TMEM132D: variants seen among roughly 807,000 people sequenced by gnomAD.
TMEM132D encodes transmembrane protein 132D, also known as mature OL transmembrane protein.
TMEM132D carries 21 observed loss-of-function variants against 62.3 expected under a neutral mutation model. The observed-to-expected ratio is 0.34, with a 90% confidence interval of 0.24 to 0.49. The LOEUF is 0.49. Among genes scored for constraint, TMEM132D ranks in the 20% least tolerant of loss-of-function variants. The pLI is 0.99. For missense variants in TMEM132D, 1,346 were observed against 1,402.8 expected (o/e 0.96, Z 0.65); for synonymous variants, 621 against 575.6 (o/e 1.08, Z -1.13).
At chr12:129,244,476 A>G (rs892600504) in intron 4 of TMEM132D, among the ~76,000 whole-genome samples, 1 of 141,084 alleles carries the variant, frequency 7.1e-6, no homozygotes, top group Non-Finnish European at 1.6e-5. Context: ...CCTACGGTGC[A>G]TAGACAATGC....
chr12:129,291,629 A>G (rs557014889), intron 4 of TMEM132D, among the ~76,000 whole-genome samples: 1 of 152,330 alleles, frequency 6.6e-6, no homozygotes, highest in East Asian at 1.9e-4. Context: ...TTAGAATCCA[A>G]GCTCTCTGCA....
intron 5 of TMEM132D, among the ~76,000 whole-genome samples, chr12:129,194,815 T>C (rs1445272958): frequency 6.6e-6 from 1 of 152,174 alleles, no homozygotes; most frequent in African/African-American, 2.4e-5. Context: ...GTTGTTTCTA[T>C]GTTTTTTTCT....
At chr12:129,273,435 CAAAAAA>C (rs36073067) in intron 4 of TMEM132D, among the ~76,000 whole-genome samples, 4 of 113,760 alleles carry the variant, frequency 3.5e-5, no homozygotes, top group Non-Finnish European at 1.8e-5. Context: ...ATCAGCCTGT[CAAAAAA>C]AAAAAAAAAA....
intron 5 of TMEM132D, among the ~76,000 whole-genome samples, chr12:129,127,273 G>A (rs1314962973): frequency 6.6e-6 from 1 of 152,106 alleles, no homozygotes; most frequent in Non-Finnish European, 1.5e-5. Context: ...AAAGACTAAC[G>A]CACATTGTGG....
intron 5 of TMEM132D, among the ~76,000 whole-genome samples, chr12:129,102,084 G>A (rs1232908353): frequency 6.6e-6 from 1 of 151,638 alleles, no homozygotes; most frequent in African/African-American, 2.4e-5. Flanking sequence ...GTGAGATGGA[G>A]AAGGTGGCAG....
intron 2 of TMEM132D, among the ~76,000 whole-genome samples, chr12:129,576,446 G>A (rs1266598749): frequency 6.6e-6 from 1 of 151,500 alleles, no homozygotes; most frequent in Non-Finnish European, 1.5e-5. Context: ...CTATAAGTAT[G>A]TGTATAGGTG....
intron 3 of TMEM132D, among the ~76,000 whole-genome samples, chr12:129,388,095 A>G (rs1033992625): frequency 1.5e-5 from 2 of 133,478 alleles, no homozygotes; most frequent in Non-Finnish European, 3.3e-5. Context: ...AGCAACACCA[A>G]TACTAACACC....
chr12:129,116,917 G>GTAAAAA (rs1565969603), intron 5 of TMEM132D, among the ~76,000 whole-genome samples: 1 of 13,990 alleles, frequency 7.1e-5, no homozygotes, highest in Non-Finnish European at 1.3e-4. Flanking sequence ...GAAAATTTCC[G>GTAAAAA]CAAAAAAAAA....
intron 2 of TMEM132D, among the ~76,000 whole-genome samples, chr12:129,647,616 A>C (rs547515683): frequency 6.6e-6 from 1 of 152,190 alleles, no homozygotes; most frequent in African/African-American, 2.4e-5. Flanking sequence ...TACCTTTGCC[A>C]ATATAATGAT....
At chr12:129,722,793 G>A (rs144031929) in intron 1 of TMEM132D, among the ~76,000 whole-genome samples, 1 of 147,496 alleles carries the variant, frequency 6.8e-6, no homozygotes, top group African/African-American at 2.5e-5. Context: ...AGCCTGGAGT[G>A]CAGTGGTGTG....
At chr12:129,801,203 G>A (rs1285178330) in intron 1 of TMEM132D, among the ~76,000 whole-genome samples, 1 of 152,222 alleles carries the variant, frequency 6.6e-6, no homozygotes, top group Non-Finnish European at 1.5e-5. Flanking sequence ...CCAACTGGGT[G>A]GAGCCCACCA....
At chr12:129,456,060 G>A (rs530001332) in intron 3 of TMEM132D, among the ~76,000 whole-genome samples, 5 of 152,248 alleles carry the variant, frequency 3.3e-5, no homozygotes, top group South Asian at 2.1e-4. Flanking sequence ...CCATGTGACC[G>A]GGTGGATGGG....
At chr12:129,134,740 A>C (rs561881516) in intron 5 of TMEM132D, among the ~76,000 whole-genome samples, 4 of 152,332 alleles carry the variant, frequency 2.6e-5, no homozygotes, top group African/African-American at 9.6e-5. Context: ...GTCACTTGTT[A>C]GAGGGGTGGT....
chr12:129,389,473 C>T (rs1871236939), intron 3 of TMEM132D, among the ~76,000 whole-genome samples: 1 of 151,976 alleles, frequency 6.6e-6, no homozygotes, highest in Non-Finnish European at 1.5e-5. Context: ...TCACTGCCAA[C>T]ACCAACACTA....
chr12:129,432,296 T>A (rs1872683077), intron 3 of TMEM132D, among the ~76,000 whole-genome samples: 1 of 34,862 alleles, frequency 2.9e-5, no homozygotes, highest in African/African-American at 1.3e-4. Context: ...GATGCTTGGA[T>A]GGATGGATGG....
chr12:129,234,369 C>G (rs566565057), intron 4 of TMEM132D, among the ~76,000 whole-genome samples: 1 of 152,258 alleles, frequency 6.6e-6, no homozygotes, highest in African/African-American at 2.4e-5. Flanking sequence ...GTAAAGGATT[C>G]CAATCCTGTC....
At chr12:129,600,148 T>C (rs927549418) in intron 2 of TMEM132D, among the ~76,000 whole-genome samples, 2 of 152,258 alleles carry the variant, frequency 1.3e-5, no homozygotes, top group Non-Finnish European at 1.5e-5. Context: ...TCAGTCTTTG[T>C]AATATTCTAA....
chr12:129,098,527 G>A (rs1565963282), intron 5 of TMEM132D, among the ~76,000 whole-genome samples: 1 of 152,204 alleles, frequency 6.6e-6, no homozygotes, highest in Non-Finnish European at 1.5e-5. Context: ...AGATAAGGCA[G>A]TATTTTAATT....
At chr12:129,412,191 G>T (rs930317022) in intron 3 of TMEM132D, among the ~76,000 whole-genome samples, 1 of 151,992 alleles carries the variant, frequency 6.6e-6, no homozygotes, top group African/African-American at 2.4e-5. Context: ...GCAGAGTCCA[G>T]ATTCCTAACC....
Sources: gnomAD v4.1 joint callset for allele counts (sites outside exome capture counted in the v4.1 genomes callset) on GRCh38, gnomAD v4.1.1 for gene constraint, MANE v1.5 for transcripts, NCBI Gene and HGNC (gene_info 2026-07-23, HGNC 2026-07-21) for gene names.